The following STK3 variants were observed in gnomAD, a reference collection of about 807,000 sequenced individuals.
The protein encoded by STK3 is serine/threonine-protein kinase 3.
STK3 carries 41 observed loss-of-function variants against 58.0 expected under a neutral mutation model. The observed-to-expected ratio is 0.71, with a 90% CI of 0.55 to 0.92. The LOEUF (loss-of-function observed/expected upper bound fraction) is 0.92. Among genes scored for constraint, STK3 ranks in the 40% least tolerant of loss-of-function variants. The pLI, the probability that STK3 is intolerant of heterozygous loss-of-function variation, is 0.00. For missense variants in STK3, 479 were observed against 602.7 expected (o/e 0.79, Z 2.15); for synonymous variants, 170 against 191.0 (o/e 0.89, Z 0.91).
At chr8:98,884,003 G>A (rs2131904265) in intron 1 of STK3, among the ~76,000 whole-genome samples, 1 of 152,258 alleles carries the variant, frequency 6.6e-6, no homozygotes, top group South Asian at 2.1e-4. Flanking sequence ...TTCTCCCAAG[G>A]TGTACTACTA....
Position 98,428,290 on chromosome 8 carries a change from A to G in STK3, n.483+5837T>C. The G allele has an allele frequency of 1.2e-6, 2 of 1,614,130 alleles. No homozygotes were observed. The highest frequency in any genetic ancestry group is 1.7e-6 in the Non-Finnish European group (2 of 1,180,012). ...CTATGTGTCTTCTCCTTCAGCCAGG[A>G]GATCGAGTACTGGGGCATCAACGAG... On this transcript the variant is annotated intron_variant and non_coding_transcript_variant, in intron 3 of 3. Transcript: ENST00000517832. The surrounding 1 kb of genome is among the most constrained non-coding windows in gnomAD (Gnocchi z 6.7).
At chr8:98,578,501 T>A (rs950273153) in intron 8 of STK3, among the ~76,000 whole-genome samples, 1 of 152,194 alleles carries the variant, frequency 6.6e-6, no homozygotes, top group Non-Finnish European at 1.5e-5. Context: ...AGATGCACAT[T>A]TCTCCTTGTC....
chr8:98,906,850 C>CA (rs1365075761), intron 1 of STK3, among the ~76,000 whole-genome samples: 1 of 151,880 alleles, frequency 6.6e-6, no homozygotes, highest in African/African-American at 2.4e-5. Flanking sequence ...TTCTTAAAAA[C>CA]AAAAAAATTA....
At chr8:98,791,042 T>G (rs952860555) in intron 1 of STK3, among the ~76,000 whole-genome samples, 1 of 151,134 alleles carries the variant, frequency 6.6e-6, no homozygotes, top group Non-Finnish European at 1.5e-5. Context: ...TGCTGTTTGC[T>G]GATGATATGA....
intron 10 of STK3, among the ~76,000 whole-genome samples, chr8:98,493,388 C>T (rs1822869974): frequency 6.6e-6 from 1 of 152,152 alleles, no homozygotes; most frequent in Non-Finnish European, 1.5e-5. Context: ...CTCCTTGATT[C>T]ACTTCCCGCT....
chr8:98,701,680 T>A (rs199814203), intron 6 of STK3, among the ~76,000 whole-genome samples: 17 of 147,026 alleles, frequency 1.2e-4, no homozygotes, highest in Admixed American at 2.7e-4. Flanking sequence ...ACACACACAC[T>A]CACACACACA....
intron 7 of STK3, among the ~76,000 whole-genome samples, chr8:98,582,050 A>T (rs543083021): frequency 7.2e-5 from 11 of 152,322 alleles, no homozygotes; most frequent in African/African-American, 2.6e-4. Context: ...AACATGAACA[A>T]AATTTAAGAG....
chr8:98,842,360 G>C (rs1836025411), intron 3 of STK3, among the ~76,000 whole-genome samples: 1 of 152,162 alleles, frequency 6.6e-6, no homozygotes, highest in Non-Finnish European at 1.5e-5. Context: ...AGAGAGACTT[G>C]TCCTAGCAGG....
At chr8:98,899,443 T>C (rs1838576378) in intron 1 of STK3, among the ~76,000 whole-genome samples, 1 of 152,216 alleles carries the variant, frequency 6.6e-6, no homozygotes, top group Non-Finnish European at 1.5e-5. Flanking sequence ...ATGCACAGAC[T>C]TTTTTTCTTG....
intron 10 of STK3, among the ~76,000 whole-genome samples, chr8:98,476,868 G>A (rs1821352280): frequency 6.6e-6 from 1 of 152,064 alleles, no homozygotes; most frequent in Admixed American, 6.5e-5. Flanking sequence ...TTACAACAAA[G>A]GAATTTAGAA....
At chr8:98,593,674 C>G (rs1815535908) in intron 7 of STK3, among the ~76,000 whole-genome samples, 1 of 152,182 alleles carries the variant, frequency 6.6e-6, no homozygotes, top group African/African-American at 2.4e-5. Flanking sequence ...GCCTAATGAT[C>G]TGAGGCAGGA....
chr8:98,451,599 A>T (rs1458084101), downstream of STK3, among the ~76,000 whole-genome samples: 9 of 152,222 alleles, frequency 5.9e-5, no homozygotes, highest in Non-Finnish European at 1.3e-4. Flanking sequence ...AGCATGAAGT[A>T]GGAATTGTTT....
chr8:98,813,525 T>G (rs773930415), intron 1 of STK3, among the ~76,000 whole-genome samples: 14 of 152,226 alleles, frequency 9.2e-5, no homozygotes, highest in Non-Finnish European at 1.8e-4. Context: ...TTCAACTCTA[T>G]CATACCATTT....
intron 8 of STK3, among the ~76,000 whole-genome samples, chr8:98,562,091 GAA>G (rs1043640809): frequency 1.3e-4 from 20 of 152,236 alleles, no homozygotes; most frequent in African/African-American, 4.6e-4. Flanking sequence ...TACAACTTTG[GAA>G]AAGAGTTTGG....
At chr8:98,900,670 T>C (rs1564091783) in intron 1 of STK3, among the ~76,000 whole-genome samples, 1 of 151,526 alleles carries the variant, frequency 6.6e-6, no homozygotes, top group Non-Finnish European at 1.5e-5. Context: ...TTTTTCTTTT[T>C]TTTTTTTCTG....
chr8:98,620,433 ATG>A (rs942259580), intron 6 of STK3, among the ~76,000 whole-genome samples: 3 of 146,172 alleles, frequency 2.1e-5, no homozygotes, highest in African/African-American at 7.5e-5. Context: ...AACCTGCACA[ATG>A]TGCACATGTA....
At chr8:98,366,592 A>G (rs985234148), downstream of STK3, among the ~76,000 whole-genome samples, 9 of 152,164 alleles carry the variant, frequency 5.9e-5, no homozygotes, top group Admixed American at 2.0e-4. Flanking sequence ...ATACTTATTG[A>G]ATGGTTCAGT....
rs375033132 is a variant in STK3 at position 98,777,416 on chromosome 8, T to G, written c.27-2597A>C. ...GATGGCACATGCCTGTGGTCCCAGC[T>G]ACTTGGGAGACTGAGCCTGGGAGAT... On this transcript the variant is annotated intron_variant, in intron 1 of 10. Coordinates refer to ENST00000419617, the MANE Select transcript of STK3 (RefSeq NM_006281.4). Among the ~76,000 whole-genome samples the G allele has an allele frequency of 6.6e-5, 10 of 151,706 alleles. No homozygotes were observed. In the East Asian group the frequency reaches 2.0e-3, roughly 30 times the overall value.
rs971300379 is a variant in STK3 at position 98,428,589 on chromosome 8, A to G, written n.483+5538T>C. On this transcript the variant is annotated intron_variant and non_coding_transcript_variant, in intron 3 of 3. Coordinates refer to the STK3 transcript ENST00000517832. The surrounding 1 kb of genome is among the most constrained non-coding windows in gnomAD (Gnocchi z 6.7). ...GGTGGTGATGGGGTCCATCATCACC[A>G]TGTGCCTCAATAGCCTGCCCGATTT... is the stretch of plus-strand genomic sequence containing the variant. 9 of 1,614,026 alleles carry G rather than the reference A, an allele frequency of 5.6e-6. No homozygotes were observed. Among genetic ancestry groups the G allele is most frequent in the Non-Finnish European group, 7.6e-6 (9 of 1,180,028 alleles).
Sources: gnomAD v4.1 joint callset for allele counts (sites outside exome capture counted in the v4.1 genomes callset) on GRCh38, gnomAD v4.1.1 for gene constraint, Gnocchi (gnomAD v3.1) non-coding constraint, MANE v1.5 for transcripts, NCBI Gene and HGNC (gene_info 2026-07-23, HGNC 2026-07-21) for gene names.